NFIB: variants seen among roughly 807,000 people sequenced by gnomAD.
The protein encoded by NFIB is nuclear factor I B, also known as nuclear factor 1 B-type.
Under a neutral mutation model 61.5 loss-of-function variants are expected in NFIB, and 11 were observed. That is an observed-to-expected ratio of 0.18 (90% CI 0.11 to 0.30). NFIB has a LOEUF of 0.30. NFIB is among the 10% of genes least tolerant of loss of function. The pLI is 1.00. For missense variants in NFIB, 471 were observed against 608.9 expected (o/e 0.77, Z 2.38); for synonymous variants, 260 against 216.5 (o/e 1.20, Z -1.76).
chr9:14,384,473 T>A (rs965288186), intron 1 of NFIB, among the ~76,000 whole-genome samples: 21 of 152,178 alleles, frequency 1.4e-4, no homozygotes, highest in African/African-American at 5.1e-4. Context: ...AGCCCAAATG[T>A]CCTGTTTTAA....
chr9:14,481,861 G>C, the NFIB span, among the ~76,000 whole-genome samples: 2 of 152,098 alleles, frequency 1.3e-5, no homozygotes, highest in Non-Finnish European at 2.9e-5. Context: ...TGCTATGCAG[G>C]TTCTTTCCTC....
In NFIB at chr9:14,226,267, G is replaced by A. The variant is rs113659188; in HGVS notation, c.563-46487C>T. 7.1e-4 allele frequency among the ~76,000 whole-genome samples: 108 copies of A among 152,156 alleles called. 1 individual carries two copies. Among genetic ancestry groups the A allele is most frequent in the African/African-American group, 2.6e-3 (106 of 41,506 alleles). ...AACGACCATCAACAAAAACAATGAG[G>A]CTAGGCACAGTGGCTGACCCCTATA... On this transcript the variant is annotated intron_variant, in intron 2 of 10. Coordinates refer to ENST00000380953, the MANE Select transcript of NFIB (RefSeq NM_001190737.2).
chr9:14,417,607 T>C, the NFIB span, among the ~76,000 whole-genome samples: 7 of 152,140 alleles, frequency 4.6e-5, no homozygotes, highest in African/African-American at 1.4e-4. Flanking sequence ...TTAAAGATAT[T>C]GAAGTTTCTT....
intron 1 of NFIB, among the ~76,000 whole-genome samples, chr9:14,365,329 T>C (rs2061288022): frequency 6.6e-6 from 1 of 152,262 alleles, no homozygotes; most frequent in African/African-American, 2.4e-5. Context: ...CTCTCATTCT[T>C]GGACCCCAGT....
At chr9:14,430,472 C>T in the NFIB span, among the ~76,000 whole-genome samples, 3 of 152,160 alleles carry the variant, frequency 2.0e-5, no homozygotes, top group Non-Finnish European at 2.9e-5. Context: ...GTTGTCAAAG[C>T]CATGTGATCA....
intron 3 of NFIB, among the ~76,000 whole-genome samples, chr9:14,163,220 G>A (rs1007614195): frequency 6.6e-6 from 1 of 151,830 alleles, no homozygotes; most frequent in African/African-American, 2.4e-5. Flanking sequence ...AAATAAGAAT[G>A]CAATCAAGGC....
At chr9:14,375,224 T>C (rs1002107963) in intron 1 of NFIB, among the ~76,000 whole-genome samples, 1 of 152,194 alleles carries the variant, frequency 6.6e-6, no homozygotes, top group Non-Finnish European at 1.5e-5. Flanking sequence ...TCTTTCTATC[T>C]CTCTGCTCTT....
At chr9:14,265,103 G>A (rs1206961153) in intron 2 of NFIB, among the ~76,000 whole-genome samples, 1 of 152,188 alleles carries the variant, frequency 6.6e-6, no homozygotes, top group African/African-American at 2.4e-5. Context: ...ATCTGGGAAA[G>A]GTATATCTAG....
At chr9:14,431,805 C>T in the NFIB span, among the ~76,000 whole-genome samples, 1 of 152,044 alleles carries the variant, frequency 6.6e-6, no homozygotes, top group Non-Finnish European at 1.5e-5. Context: ...GGAAGTGCTC[C>T]CCTGGTCCAA....
intron 1 of NFIB, among the ~76,000 whole-genome samples, chr9:14,397,145 T>C (rs1362272558): frequency 6.6e-6 from 1 of 152,210 alleles, no homozygotes; most frequent in East Asian, 1.9e-4. Flanking sequence ...AGCCCACTGA[T>C]ATTAGATGGG....
the NFIB span, among the ~76,000 whole-genome samples, chr9:14,514,634 C>A: frequency 6.6e-6 from 1 of 152,074 alleles, no homozygotes; most frequent in East Asian, 1.9e-4. Context: ...ATATTTAACA[C>A]CCATATTGCT....
chr9:14,273,006 T>C (rs564395943), intron 2 of NFIB, among the ~76,000 whole-genome samples: 1 of 152,238 alleles, frequency 6.6e-6, no homozygotes, highest in South Asian at 2.1e-4. Flanking sequence ...CAGCCTAGAC[T>C]AAAAATGAAT....
chr9:14,428,477 G>A, the NFIB span, among the ~76,000 whole-genome samples: 1 of 152,066 alleles, frequency 6.6e-6, no homozygotes, highest in Admixed American at 6.5e-5. Flanking sequence ...TTGGGGGGAC[G>A]TGCATTCAAG....
At chr9:14,264,341 G>A (rs1328424639) in intron 2 of NFIB, among the ~76,000 whole-genome samples, 2 of 152,134 alleles carry the variant, frequency 1.3e-5, no homozygotes, top group African/African-American at 4.8e-5. Context: ...TTTCCCCATG[G>A]AAGGTTATTT....
intron 1 of NFIB, among the ~76,000 whole-genome samples, chr9:14,363,054 A>C (rs2061258225): frequency 6.6e-6 from 1 of 152,138 alleles, no homozygotes; most frequent in Non-Finnish European, 1.5e-5. Flanking sequence ...CATTCATTTT[A>C]TTGAGTCCCT....
the NFIB span, among the ~76,000 whole-genome samples, chr9:14,527,688 T>C: frequency 0.51 from 77,219 of 151,966 alleles, 20,005 homozygotes; most frequent in Middle Eastern, 0.6. Context: ...GAAACATAAA[T>C]TTTATAGTTT....
the NFIB span, among the ~76,000 whole-genome samples, chr9:14,470,960 G>C: frequency 6.6e-6 from 1 of 152,092 alleles, no homozygotes; most frequent in Non-Finnish European, 1.5e-5. Context: ...GATGAGGCAG[G>C]GTGCCTAAAA....
chr9:14,247,602 C>T (rs953535943), intron 2 of NFIB, among the ~76,000 whole-genome samples: 7 of 152,300 alleles, frequency 4.6e-5, no homozygotes, highest in Middle Eastern at 6.8e-3. Flanking sequence ...CAAAGGCCAC[C>T]GCCACCACTG....
chr9:14,363,856 T>C (rs954648599), intron 1 of NFIB, among the ~76,000 whole-genome samples: 1 of 152,158 alleles, frequency 6.6e-6, no homozygotes, highest in African/African-American at 2.4e-5. Flanking sequence ...CATCTTTCCA[T>C]GTCAGTTGGT....
Sources: allele counts gnomAD v4.1 joint callset (sites outside exome capture counted in the v4.1 genomes callset), GRCh38; gene constraint gnomAD v4.1.1; transcripts MANE v1.5; gene names NCBI Gene and HGNC (gene_info 2026-07-23, HGNC 2026-07-21).